Variants in BCKDHB observed in about 807,000 individuals in gnomAD.
BCKDHB encodes branched chain keto acid dehydrogenase E1 subunit beta.
In BCKDHB, 41 loss-of-function variants were observed where a neutral mutation model predicts 48.5. That is an observed-to-expected ratio of 0.85 (90% CI 0.66 to 1.10). The LOEUF is 1.10. Among genes scored for constraint, BCKDHB ranks in the 50% least tolerant of loss-of-function variants. The pLI, the probability that BCKDHB is intolerant of heterozygous loss-of-function variation, is 0.00. For missense variants in BCKDHB, 496 were observed against 494.2 expected (o/e 1.00, Z -0.03); for synonymous variants, 201 against 174.8 (o/e 1.15, Z -1.18).
chr6:80,227,304 C>A lies in BCKDHB; in HGVS notation c.951+24092C>A, dbSNP rs539230781. ...TACAGCATTAGAGAACTTCTGGGGACACTGAAGAATTGTTTAGTCACTTAA... is the reference window on the plus strand; with the variant it reads ...TACAGCATTAGAGAACTTCTGGGGAAACTGAAGAATTGTTTAGTCACTTAA... On this transcript the variant is annotated intron_variant, in intron 8 of 9. Coordinates refer to ENST00000320393, the MANE Select transcript of BCKDHB (RefSeq NM_183050.4). Among the ~76,000 whole-genome samples the A allele has an allele frequency of 2.0e-5, 3 of 152,296 alleles. No homozygotes were observed. The East Asian group carries it at 5.8e-4, about 29-fold the overall frequency.
chr6:80,306,968 A>T (rs1767911466), intron 9 of BCKDHB, among the ~76,000 whole-genome samples: 1 of 152,156 alleles, frequency 6.6e-6, no homozygotes, highest in African/African-American at 2.4e-5. Flanking sequence ...CAGTTTCCAG[A>T]AGTATTCATT....
chr6:80,168,465 AGT>A (rs1772694588), intron 4 of BCKDHB, among the ~76,000 whole-genome samples: 1 of 107,902 alleles, frequency 9.3e-6, no homozygotes, highest in East Asian at 3.2e-4. Flanking sequence ...GGAGGGAGGG[AGT>A]GATGGGATCC....
chr6:80,348,002 C>CT (rs1770284296), downstream of BCKDHB, among the ~76,000 whole-genome samples: 1 of 152,006 alleles, frequency 6.6e-6, no homozygotes, highest in Non-Finnish European at 1.5e-5. Context: ...GATCTATAAA[C>CT]TAATTTAATT....
intron 8 of BCKDHB, among the ~76,000 whole-genome samples, chr6:80,238,960 A>G (rs1403180427): frequency 2.0e-5 from 3 of 152,226 alleles, no homozygotes; most frequent in African/African-American, 4.8e-5. Flanking sequence ...ATAGTATTCC[A>G]TAGTGTATAT....
chr6:80,230,888 G>A (rs1775898272), intron 8 of BCKDHB, among the ~76,000 whole-genome samples: 1 of 152,196 alleles, frequency 6.6e-6, no homozygotes, highest in African/African-American at 2.4e-5. Context: ...TGAGGGCTTT[G>A]TCTAATAACC....
At chr6:80,354,034 TA>T in the BCKDHB span, among the ~76,000 whole-genome samples, 1 of 152,158 alleles carries the variant, frequency 6.6e-6, no homozygotes, top group African/African-American at 2.4e-5. Context: ...TTAATGAGAT[TA>T]TTTTTTGTAT....
the BCKDHB span, among the ~76,000 whole-genome samples, chr6:80,466,351 G>A: frequency 6.6e-6 from 1 of 152,132 alleles, no homozygotes; most frequent in Non-Finnish European, 1.5e-5. Context: ...GTAGGCATTT[G>A]AAATTTTGTG....
the BCKDHB span, among the ~76,000 whole-genome samples, chr6:80,446,943 T>C: frequency 6.6e-6 from 1 of 152,162 alleles, no homozygotes. Context: ...AAGCTGACCT[T>C]AGACATTAGG....
chr6:80,233,385 T>C (rs1220195604), intron 8 of BCKDHB, among the ~76,000 whole-genome samples: 1 of 152,186 alleles, frequency 6.6e-6, no homozygotes, highest in Non-Finnish European at 1.5e-5. Flanking sequence ...AAATATACTA[T>C]GAAACCTTCT....
intron 4 of BCKDHB, among the ~76,000 whole-genome samples, chr6:80,168,250 A>G (rs1266777789): frequency 9.2e-5 from 14 of 151,714 alleles, no homozygotes; most frequent in Non-Finnish European, 1.8e-4. Flanking sequence ...GCAGCACTGC[A>G]CTCCCTGGGT....
intron 8 of BCKDHB, among the ~76,000 whole-genome samples, chr6:80,207,152 T>C (rs571680047): frequency 6.6e-6 from 1 of 152,122 alleles, no homozygotes; most frequent in African/African-American, 2.4e-5. Flanking sequence ...GCATACACTA[T>C]AGCTTAGTAT....
intron 1 of BCKDHB, among the ~76,000 whole-genome samples, chr6:80,122,003 C>G (rs1295650575): frequency 6.6e-6 from 1 of 151,950 alleles, no homozygotes; most frequent in African/African-American, 2.4e-5. Flanking sequence ...ATAAATAGCT[C>G]TTATTATTTT....
At chr6:80,180,378 G>A (rs1773355110) in intron 6 of BCKDHB, among the ~76,000 whole-genome samples, 1 of 152,142 alleles carries the variant, frequency 6.6e-6, no homozygotes, top group Admixed American at 6.5e-5. Context: ...TCCAGCTGGT[G>A]TAAAAAATGT....
chr6:80,423,185 G>GCT, the BCKDHB span, among the ~76,000 whole-genome samples: 5,508 of 151,952 alleles, frequency 0.036, 343 homozygotes, highest in African/African-American at 0.13. Context: ...TGTTCCCTAT[G>GCT]CTCTCTCTCT....
chr6:80,347,815 A>G (rs753174196), downstream of BCKDHB, among the ~76,000 whole-genome samples: 15 of 152,190 alleles, frequency 9.9e-5, no homozygotes, highest in Non-Finnish European at 8.8e-5. Flanking sequence ...CATAAGACAT[A>G]CATACACATT....
chr6:80,416,552 G>A, the BCKDHB span, among the ~76,000 whole-genome samples: 5 of 151,698 alleles, frequency 3.3e-5, no homozygotes, highest in South Asian at 2.1e-4. Flanking sequence ...AAGTCATTCC[G>A]GAGCAGGTTA....
chr6:80,397,589 A>G, the BCKDHB span, among the ~76,000 whole-genome samples: 1 of 152,200 alleles, frequency 6.6e-6, no homozygotes, highest in Non-Finnish European at 1.5e-5. Context: ...CAAGAATAAA[A>G]AGCTTACTCA....
intron 3 of BCKDHB, among the ~76,000 whole-genome samples, chr6:80,138,095 G>A (rs1024966487): frequency 1.3e-5 from 2 of 151,812 alleles, no homozygotes; most frequent in African/African-American, 4.8e-5. Flanking sequence ...AAAAAATAGT[G>A]CAGCAAGGCT....
intron 8 of BCKDHB, among the ~76,000 whole-genome samples, chr6:80,258,352 T>C (rs1777146973): frequency 6.6e-6 from 1 of 152,204 alleles, no homozygotes. Context: ...TTTCAGGGGT[T>C]TGAAGGGGCA....
Sources: gnomAD v4.1 joint callset for allele counts (sites outside exome capture counted in the v4.1 genomes callset) on GRCh38, gnomAD v4.1.1 for gene constraint, MANE v1.5 for transcripts, NCBI Gene and HGNC (gene_info 2026-07-23, HGNC 2026-07-21) for gene names.